Variants in KIRREL3 observed in about 807,000 individuals in gnomAD.
The protein encoded by KIRREL3 is kin of IRRE-like protein 3.
In KIRREL3, 36 loss-of-function variants were observed where a neutral mutation model predicts 89.7. That is an observed-to-expected ratio of 0.40 (90% CI 0.31 to 0.53). KIRREL3 has a LOEUF of 0.53. Ranked by LOEUF, KIRREL3 falls within the 20% of genes least tolerant of loss-of-function variation. The pLI, the probability that KIRREL3 is intolerant of heterozygous loss-of-function variation, is 0.49. For missense variants in KIRREL3, 864 were observed against 1,056.6 expected (o/e 0.82, Z 2.53); for synonymous variants, 445 against 441.4 (o/e 1.01, Z -0.10).
Position 126,525,380 on chromosome 11 carries a change from C to T in KIRREL3, c.283+1158G>A, listed in dbSNP as rs1337519310. ...CTCTGAAATTGGCTGGTTCCCATAA[C>T]AGTTAAACTTTATGGCAGCACAGTA... On this transcript the variant is annotated intron_variant, in intron 3 of 16. Coordinates refer to ENST00000525144, the MANE Select transcript of KIRREL3 (RefSeq NM_032531.4). This position sits in a 1 kb window ranked among gnomAD's most constrained non-coding sequence, Gnocchi z 5.4. Among the ~76,000 whole-genome samples the T allele has an allele frequency of 6.6e-6, 1 of 152,208 alleles. No individual in the cohort carries two copies. Among genetic ancestry groups the T allele is most frequent in the Non-Finnish European group, 1.5e-5 (1 of 68,042 alleles).
chr11:126,762,008 A>C (rs945611162), intron 1 of KIRREL3, among the ~76,000 whole-genome samples: 2 of 152,000 alleles, frequency 1.3e-5, no homozygotes, highest in African/African-American at 4.8e-5. Context: ...GTGAAACCCT[A>C]TCTCTACTAA....
chr11:126,654,038 T>A (rs1945020215), intron 1 of KIRREL3, among the ~76,000 whole-genome samples: 1 of 152,188 alleles, frequency 6.6e-6, no homozygotes. Flanking sequence ...GAATCTGATG[T>A]CCTTGAATCT....
At position 126,867,378 on chromosome 11, in the gene KIRREL3, G is replaced by A. The variant is rs1335515532; in HGVS notation, c.55+133077C>T. On this transcript the variant is annotated intron_variant, in intron 1 of 16. Coordinates refer to ENST00000525144, the MANE Select transcript of KIRREL3 (RefSeq NM_032531.4). The surrounding 1 kb of genome is among the most constrained non-coding windows in gnomAD (Gnocchi z 4.7). ...ACACACGGCCTGCCTTAGCCATCAG[G>A]CTTCCCATTCGGCTGTTCTCCAGCT... 6.6e-6 allele frequency among the ~76,000 whole-genome samples: 1 copy of A among 152,142 alleles called. No homozygotes were observed. Among genetic ancestry groups the A allele is most frequent in the Non-Finnish European group, 1.5e-5 (1 of 68,026 alleles).
At position 126,530,273 on chromosome 11, in the gene KIRREL3, CA is replaced by C. The variant is rs1480264733; in HGVS notation, c.134-3587del. On this transcript the variant is annotated intron_variant, in intron 2 of 16. Coordinates refer to ENST00000525144, the MANE Select transcript of KIRREL3 (RefSeq NM_032531.4). This position sits in a 1 kb window ranked among gnomAD's most constrained non-coding sequence, Gnocchi z 5.8. ...CTGATTTTCATATTTTTAATAGAGA[CA>C]GGGTTTCACCATGTTGGCCAGGCTG... Among the ~76,000 whole-genome samples the C allele has an allele frequency of 2.6e-5, 4 of 152,072 alleles. No homozygotes were observed. In the East Asian group the frequency reaches 5.8e-4, roughly 22 times the overall value.
intron 1 of KIRREL3, among the ~76,000 whole-genome samples, chr11:126,591,024 G>A (rs761419942): frequency 2.0e-5 from 3 of 152,356 alleles, no homozygotes; most frequent in Non-Finnish European, 1.5e-5. Flanking sequence ...CCAGGAGTTT[G>A]AGACCAGCCT....
At chr11:126,435,416 T>C in intron 12 of KIRREL3, 113 bp from the exon 13 acceptor site, 1 of 1,045,916 alleles carries the variant, frequency 9.6e-7, no homozygotes, top group Admixed American at 1.9e-5. Flanking sequence ...TTCCCAGTCA[T>C]GTCTCTGGGA....
chr11:126,712,053 G>GC (rs1263113992), intron 1 of KIRREL3, among the ~76,000 whole-genome samples: 1 of 152,166 alleles, frequency 6.6e-6, no homozygotes, highest in Non-Finnish European at 1.5e-5. Flanking sequence ...AGCCAGCCAC[G>GC]CCCCACTCCC....
At chr11:126,841,437 G>A (rs981987247) in intron 1 of KIRREL3, among the ~76,000 whole-genome samples, 6 of 152,266 alleles carry the variant, frequency 3.9e-5, no homozygotes, top group South Asian at 2.1e-4. Context: ...TGTAGAAGGC[G>A]TTCAAAAATA....
At chr11:126,509,281 T>C (rs1164206511) in intron 4 of KIRREL3, among the ~76,000 whole-genome samples, 2 of 152,212 alleles carry the variant, frequency 1.3e-5, no homozygotes, top group Non-Finnish European at 2.9e-5. Context: ...CTCACCTTGC[T>C]CTTTCACCCA....
intron 1 of KIRREL3, among the ~76,000 whole-genome samples, chr11:126,825,999 C>T (rs968742953): frequency 5.3e-5 from 8 of 152,204 alleles, no homozygotes; most frequent in Admixed American, 2.0e-4. Context: ...TAGTCACTCC[C>T]CTTCCTGCAG....
At chr11:126,730,870 C>T (rs1408759416) in intron 1 of KIRREL3, among the ~76,000 whole-genome samples, 1 of 152,154 alleles carries the variant, frequency 6.6e-6, no homozygotes, top group African/African-American at 2.4e-5. Flanking sequence ...TCCCGAGTAG[C>T]TGGGACTACA....
rs1943144862 is a variant in KIRREL3, at chr11:126,611,881, C to G, written c.56-48969G>C. Among the ~76,000 whole-genome samples, 1 of 152,192 alleles carries G rather than the reference C, an allele frequency of 6.6e-6. No individual in the cohort carries two copies. Among genetic ancestry groups the G allele is most frequent in the Non-Finnish European group, 1.5e-5 (1 of 68,038 alleles). ...ATCAACTGTAGGTGCTACTGTCGCT[C>G]TAGGACCTGCCGATGCCCTCTGTCC... On this transcript the variant is annotated intron_variant, in intron 1 of 16. Coordinates refer to ENST00000525144, the MANE Select transcript of KIRREL3 (RefSeq NM_032531.4). The surrounding 1 kb of genome is among the most constrained non-coding windows in gnomAD (Gnocchi z 4.7).
chr11:126,868,757 A>C (rs2134656765), intron 1 of KIRREL3, among the ~76,000 whole-genome samples: 1 of 152,130 alleles, frequency 6.6e-6, no homozygotes, highest in Middle Eastern at 3.4e-3. Context: ...GCTATAACCG[A>C]ATACCATACA....
chr11:126,450,436 CAT>C (rs1408690266), intron 7 of KIRREL3, among the ~76,000 whole-genome samples: 7 of 124,368 alleles, frequency 5.6e-5, no homozygotes, highest in African/African-American at 2.3e-4. Flanking sequence ...TGTATGTGTC[CAT>C]GTGTATGTGC....
rs551516668 is a variant in KIRREL3, at chr11:126,890,268, G to A, written c.55+110187C>T. Among the ~76,000 whole-genome samples the A allele has an allele frequency of 1.2e-3, 180 of 152,286 alleles. 5 individuals carry two copies. The South Asian group carries it at 0.035, about 30-fold the overall frequency. On this transcript the variant is annotated intron_variant, in intron 1 of 16. Coordinates refer to ENST00000525144, the MANE Select transcript of KIRREL3 (RefSeq NM_032531.4). The surrounding 1 kb of genome is among the most constrained non-coding windows in gnomAD (Gnocchi z 5.1). ...TCTTCCTGAGCAGCCTTCCGAGAGT[G>A]CCTCATACCTAAGACAGTCAGCCCT...
In KIRREL3 at chr11:126,578,820, C is replaced by G. The variant is rs1941391952; in HGVS notation, c.56-15908G>C. On this transcript the variant is annotated intron_variant, in intron 1 of 16. Coordinates refer to ENST00000525144, the MANE Select transcript of KIRREL3 (RefSeq NM_032531.4). The surrounding 1 kb of genome is among the most constrained non-coding windows in gnomAD (Gnocchi z 4.9). The stretch of plus-strand genomic sequence containing the variant: ...TCCAGGCTCTCCTACCACACCTAGG[C>G]TGGACTTACTGATTCCAAGGTGAAA... Among the ~76,000 whole-genome samples the G allele has an allele frequency of 6.6e-6, 1 of 152,192 alleles. No individual in the cohort carries two copies. The highest frequency in any genetic ancestry group is 6.5e-5 in the Admixed American group (1 of 15,284).
rs192259879 is a variant in KIRREL3 at position 126,954,573 on chromosome 11, G to A, written c.55+45882C>T. ...GGGTAGAACAGATGGCCCAGAAAGC[G>A]CAAACCCACCTTGTCTGTGATGAAG... is the stretch of plus-strand genomic sequence containing the variant. On this transcript the variant is annotated intron_variant, in intron 1 of 16. Coordinates refer to ENST00000525144, the MANE Select transcript of KIRREL3 (RefSeq NM_032531.4). The surrounding 1 kb of genome is among the most constrained non-coding windows in gnomAD (Gnocchi z 4.1). 3.9e-4 allele frequency among the ~76,000 whole-genome samples: 59 copies of A among 151,698 alleles called. No homozygotes were observed. The highest frequency in any genetic ancestry group is 1.2e-3 in the African/African-American group (49 of 41,314).
intron 1 of KIRREL3, among the ~76,000 whole-genome samples, chr11:126,950,545 G>T (rs1948748885): frequency 6.6e-6 from 1 of 152,158 alleles, no homozygotes; most frequent in African/African-American, 2.4e-5. Context: ...TGGTAACAAT[G>T]GTGTCCCATT....
chr11:126,599,898 T>A (rs1176979825), intron 1 of KIRREL3, among the ~76,000 whole-genome samples: 2 of 152,186 alleles, frequency 1.3e-5, no homozygotes, highest in Non-Finnish European at 2.9e-5. Flanking sequence ...GTGGGCAGCT[T>A]GCCAATTACT....
Sources: gnomAD v4.1 joint callset for allele counts (sites outside exome capture counted in the v4.1 genomes callset) on GRCh38, gnomAD v4.1.1 for gene constraint, Gnocchi (gnomAD v3.1) non-coding constraint, MANE v1.5 for transcripts, NCBI Gene and HGNC (gene_info 2026-07-23, HGNC 2026-07-21) for gene names.